The following AGBL1 variants were observed in gnomAD, a reference collection of about 807,000 sequenced individuals.
AGBL1 encodes the protein AGBL carboxypeptidase 1.
Under a neutral mutation model 118.9 loss-of-function variants are expected in AGBL1, and 130 were observed. The observed-to-expected ratio is 1.09, with a 90% confidence interval of 0.95 to 1.26. The LOEUF is 1.26. Ranked by LOEUF, AGBL1 falls within the 50% of genes most tolerant of loss-of-function variation. The probability of loss-of-function intolerance (pLI) is 0.00; values close to 1 mark genes in which losing one functional copy is unlikely to be tolerated. For missense variants in AGBL1, 1,584 were observed against 1,298.1 expected, an observed-to-expected ratio of 1.22 and a Z score of -3.38; for synonymous variants, 555 against 478.9, an observed-to-expected ratio of 1.16 and a Z score of -2.08.
intron 22 of AGBL1, among the ~76,000 whole-genome samples, chr15:86,827,777 C>T (rs929761716): frequency 6.7e-6 from 1 of 148,224 alleles, no homozygotes; most frequent in Non-Finnish European, 1.5e-5. Context: ...GGTCCTCTTC[C>T]TTTCTCCCAT....
rs1395743779 is a variant in AGBL1 at position 86,909,775 on chromosome 15, G to C, written c.*2481G>C. On this transcript the variant is annotated 3_prime_UTR_variant, in exon 23 of 23. Transcript: ENST00000614907. ...GAAATGTAATTGCTGAGAGAGGTGGGAATGATGCTAGCTTATCATTAATTA... is the reference window on the plus strand; with the variant it reads ...GAAATGTAATTGCTGAGAGAGGTGGCAATGATGCTAGCTTATCATTAATTA... 6.6e-6 allele frequency: 1 copy of C among 152,202 alleles called. No homozygotes were observed. Among genetic ancestry groups the C allele is most frequent in the Non-Finnish European group, 1.5e-5 (1 of 68,040 alleles). 9.4% of individuals were successfully genotyped at this position (152,202 alleles called of 1,614,324 possible). A position where few individuals can be genotyped will look rare whatever the true frequency, so the allele number is the denominator to read the frequency against.
At chr15:86,373,768 A>G (rs1426847491) in intron 17 of AGBL1, among the ~76,000 whole-genome samples, 2 of 152,238 alleles carry the variant, frequency 1.3e-5, no homozygotes, top group Non-Finnish European at 2.9e-5. Context: ...TCTGGGTTCA[A>G]GTTCTTGTGC....
intron 18 of AGBL1, among the ~76,000 whole-genome samples, chr15:86,475,237 G>A (rs567454470): frequency 1.1e-4 from 17 of 152,276 alleles, no homozygotes; most frequent in South Asian, 6.2e-4. Flanking sequence ...TGACTTTGAC[G>A]CGCTGAGAGA....
At chr15:86,653,210 T>C (rs2085406579) in intron 21 of AGBL1, among the ~76,000 whole-genome samples, 2 of 152,046 alleles carry the variant, frequency 1.3e-5, no homozygotes, top group African/African-American at 4.8e-5. Flanking sequence ...GGGATCCTGA[T>C]ACACAAATAA....
intron 1 of AGBL1, among the ~76,000 whole-genome samples, chr15:86,131,355 A>G (rs150252744): frequency 2.0e-5 from 3 of 152,324 alleles, no homozygotes; most frequent in East Asian, 3.9e-4. Context: ...GCATTTGTGG[A>G]CAAGTTTTAA....
At chr15:86,081,038 G>A (rs2141429996) in intron 1 of AGBL1, among the ~76,000 whole-genome samples, 1 of 152,096 alleles carries the variant, frequency 6.6e-6, no homozygotes, top group South Asian at 2.1e-4. Flanking sequence ...ATTTTCCTCT[G>A]ATTGTTTTTG....
intron 18 of AGBL1, among the ~76,000 whole-genome samples, chr15:86,497,694 G>C (rs1030426078): frequency 6.6e-5 from 10 of 151,812 alleles, no homozygotes; most frequent in Admixed American, 5.9e-4. Flanking sequence ...TGGGACTCGG[G>C]ATCTGATTGT....
chr15:86,507,104 G>A (rs935328512), intron 18 of AGBL1, among the ~76,000 whole-genome samples: 13 of 151,924 alleles, frequency 8.6e-5, no homozygotes, highest in African/African-American at 2.9e-4. Context: ...ATAAAAAGAC[G>A]CAGCCAAGCT....
intron 22 of AGBL1, among the ~76,000 whole-genome samples, chr15:86,755,483 G>A (rs1437870904): frequency 1.3e-5 from 2 of 152,022 alleles, no homozygotes; most frequent in African/African-American, 2.4e-5. Context: ...CTTCTTCAAG[G>A]AGCAATGGAC....
At chr15:86,388,441 A>C (rs1326721641) in intron 17 of AGBL1, among the ~76,000 whole-genome samples, 3 of 152,188 alleles carry the variant, frequency 2.0e-5, no homozygotes, top group African/African-American at 7.2e-5. Context: ...ATTTTCATCT[A>C]CCCTGTTTCA....
In AGBL1 at chr15:86,801,310, C is replaced by CATCTATCTATCTATCT. The variant is rs10629012; in HGVS notation, c.3159-105746_3159-105731dup. On this transcript the variant is annotated intron_variant, in intron 22 of 22. Transcript: ENST00000614907. ...CTTGGCTTATAACTGTTGATGATTA[C>CATCTATCTATCTATCT]ATCTATCTATCTATCTATCTATCTA... Among the ~76,000 whole-genome samples, 600 of 147,302 alleles carry CATCTATCTATCTATCT rather than the reference C, an allele frequency of 4.1e-3. 3 individuals carry two copies. Among genetic ancestry groups the CATCTATCTATCTATCT allele is most frequent in the South Asian group, 7.6e-3 (34 of 4,488 alleles).
rs866900661 is a variant in AGBL1 at position 86,854,816 on chromosome 15, G to A, written c.3159-52271G>A. Among the ~76,000 whole-genome samples the A allele has an allele frequency of 8.5e-5, 13 of 152,166 alleles. 1 individual carries two copies. In the Middle Eastern group the frequency reaches 0.02, roughly 239 times the overall value. ...CTGTATAGAAATTCTCAGACTTTCC[G>A]CCTAGCAGCTCAAAGACCATCACTG... is the stretch of plus-strand genomic sequence containing the variant. On this transcript the variant is annotated intron_variant, in intron 22 of 22. Coordinates refer to ENST00000614907, the MANE Select transcript of AGBL1 (RefSeq NM_001386094.1).
chr15:86,836,862 T>A (rs1368243495), intron 22 of AGBL1, among the ~76,000 whole-genome samples: 3 of 152,210 alleles, frequency 2.0e-5, no homozygotes, highest in Non-Finnish European at 4.4e-5. Context: ...TCCTGCTATG[T>A]CTTGTCCCTG....
At chr15:86,758,764 G>A (rs1001636493) in intron 22 of AGBL1, among the ~76,000 whole-genome samples, 10 of 151,802 alleles carry the variant, frequency 6.6e-5, no homozygotes, top group Non-Finnish European at 1.3e-4. Flanking sequence ...CTGAGCACAG[G>A]AGTTTGAGAC....
chr15:86,430,508 G>T (rs1275225517), intron 18 of AGBL1, among the ~76,000 whole-genome samples: 1 of 147,286 alleles, frequency 6.8e-6, no homozygotes, highest in African/African-American at 2.5e-5. Context: ...AAAAAAAAAT[G>T]TGTGTGTGTG....
At chr15:86,538,267 C>T (rs1276735939) in intron 19 of AGBL1, among the ~76,000 whole-genome samples, 4 of 152,132 alleles carry the variant, frequency 2.6e-5, no homozygotes, top group Non-Finnish European at 5.9e-5. Context: ...CTGAGTCTCT[C>T]GCTTTGGGAA....
In AGBL1 at chr15:86,909,225, G is replaced by C. The variant is rs1179001389; in HGVS notation, c.*1931G>C. 1 of 152,240 alleles carries C rather than the reference G, an allele frequency of 6.6e-6. No homozygotes were observed. The highest frequency in any genetic ancestry group is 1.5e-5 in the Non-Finnish European group (1 of 68,050). The allele number at this position is 152,240 out of a possible 1,614,324, so 9.4% of individuals were successfully genotyped here. The stretch of plus-strand genomic sequence containing the variant: ...ATAGTCTTTATTTGAGGTGGGCCCA[G>C]CTAAAATTTGAAGTTTGAAGTAAAA... On this transcript the variant is annotated 3_prime_UTR_variant, in exon 23 of 23. Coordinates refer to ENST00000614907, the MANE Select transcript of AGBL1 (RefSeq NM_001386094.1).
intron 20 of AGBL1, among the ~76,000 whole-genome samples, chr15:86,549,613 G>T (rs1417005640): frequency 1.3e-5 from 2 of 151,928 alleles, no homozygotes. Flanking sequence ...ATTTTGTGAA[G>T]AATCAAGAAT....
Position 86,510,033 on chromosome 15 carries a change from A to T in AGBL1, c.2556-12777A>T, listed in dbSNP as rs138931712. Among the ~76,000 whole-genome samples the T allele has an allele frequency of 2.8e-3, 432 of 151,586 alleles. 4 individuals carry two copies. The highest frequency in any genetic ancestry group is 7.9e-3 in the African/African-American group (329 of 41,388). ...GGAAATCAAGGAAAAGGAACTCCAG[A>T]ATTCCAAGATGACTCTTGACATTCT... On this transcript the variant is annotated intron_variant, in intron 18 of 22. Transcript: ENST00000614907.
Sources: allele counts gnomAD v4.1 joint callset (sites outside exome capture counted in the v4.1 genomes callset), GRCh38; gene constraint gnomAD v4.1.1; transcripts MANE v1.5; gene names NCBI Gene and HGNC (gene_info 2026-07-23, HGNC 2026-07-21).